The following TMX1 variants were observed in gnomAD, a reference collection of about 807,000 sequenced individuals.
The protein encoded by TMX1 is thioredoxin-related transmembrane protein 1.
Under a neutral mutation model 36.6 loss-of-function variants are expected in TMX1, and 25 were observed. The observed-to-expected ratio is 0.68, with a 90% CI of 0.50 to 0.95. The LOEUF is 0.95. Ranked by LOEUF, TMX1 falls within the 40% of genes least tolerant of loss-of-function variation. The pLI is 0.00. For missense variants in TMX1, 347 were observed against 339.6 expected (o/e 1.02, Z -0.17); for synonymous variants, 133 against 118.0 (o/e 1.13, Z -0.82).
chr14:51,240,804 C>A (rs2065757286), intron 1 of TMX1, among the ~76,000 whole-genome samples: 1 of 152,146 alleles, frequency 6.6e-6, no homozygotes, highest in Non-Finnish European at 1.5e-5. Flanking sequence ...TAAAGTGATT[C>A]TTCACAGACT....
chr14:51,240,530 C>A, intron 1 of TMX1, 86 bp downstream of exon 1: 1 of 1,505,618 alleles, frequency 6.6e-7, no homozygotes, highest in South Asian at 1.3e-5. Context: ...CGCAGGCTCC[C>A]CAGGACTGCG....
At chr14:51,247,513 C>T (rs1215943940) in intron 4 of TMX1, among the ~76,000 whole-genome samples, 1 of 151,692 alleles carries the variant, frequency 6.6e-6, no homozygotes, top group African/African-American at 2.4e-5. Flanking sequence ...CCCACCGCCA[C>T]ACGTGGCTAA....
chr14:51,249,845 G>T (rs1158487674), intron 7 of TMX1, 80 bp downstream of exon 7: 1 of 1,137,744 alleles, frequency 8.8e-7, no homozygotes, highest in Non-Finnish European at 1.2e-6. Context: ...CATTTCACAG[G>T]TTGCTCTTCC....
At position 51,257,601 on chromosome 14, in the gene TMX1, A is replaced by G. The variant is rs1164936023; in HGVS notation, c.*3082A>G. On this transcript the variant is annotated 3_prime_UTR_variant, in exon 8 of 8. Transcript: ENST00000457354. Reference sequence around the variant, plus strand: ...ATCTAGCAACTTTTGTATTTGTGAAACCATTAAAACTAGAGTAACAATAAA... The same window carrying G: ...ATCTAGCAACTTTTGTATTTGTGAAGCCATTAAAACTAGAGTAACAATAAA... 5.3e-5 allele frequency: 8 copies of G among 152,208 alleles called. No individual in the cohort carries two copies. Among genetic ancestry groups the G allele is most frequent in the Non-Finnish European group, 8.8e-5 (6 of 68,046 alleles). 9.4% of individuals were successfully genotyped at this position (152,208 alleles called of 1,614,324 possible).
At chr14:51,240,481 T>G in intron 1 of TMX1, 37 bp downstream of exon 1, 1 of 1,599,600 alleles carries the variant, frequency 6.3e-7, no homozygotes, top group Non-Finnish European at 8.5e-7. Flanking sequence ...CGTCCGTGCC[T>G]GGACACACGA....
At chr14:51,247,345 A>G (rs1049958151) in intron 4 of TMX1, 125 bp downstream of exon 4, 30 of 709,512 alleles carry the variant, frequency 4.2e-5, no homozygotes, top group Middle Eastern at 4.8e-4. Context: ...CATTTATTAC[A>G]TGTTTGATTT....
chr14:51,250,358 C>G (rs1001808379), intron 7 of TMX1, among the ~76,000 whole-genome samples: 1 of 152,236 alleles, frequency 6.6e-6, no homozygotes, highest in African/African-American at 2.4e-5. Context: ...TAGTAGAGTG[C>G]ATAGGTGTTA....
chr14:51,245,256 T>C (rs1173650106), intron 2 of TMX1, 57 bp from the exon 3 acceptor site: 6 of 1,603,880 alleles, frequency 3.7e-6, no homozygotes, highest in Non-Finnish European at 5.1e-6. Flanking sequence ...CAAAGTCACG[T>C]TTTAAGTAGT....
intron 2 of TMX1, 129 bp from the exon 3 acceptor site, chr14:51,245,184 A>T (rs2065779372): frequency 9.3e-7 from 1 of 1,070,606 alleles, no homozygotes. Context: ...ATTATGTATT[A>T]CGAAGCTCAA....
Position 51,255,379 on chromosome 14 carries a change from T to C in TMX1, c.*860T>C, listed in dbSNP as rs1301493833. 7.0e-6 allele frequency: 1 copy of C among 143,830 alleles called. No homozygotes were observed. The highest frequency in any genetic ancestry group is 2.5e-5 in the African/African-American group (1 of 39,942). 8.9% of individuals were successfully genotyped at this position (143,830 alleles called of 1,614,324 possible). ...AGATTTTACATCATTCTTGCTGAAC[T>C]TCAACTTGAAATTGTTTTTTTTTTT... On this transcript the variant is annotated 3_prime_UTR_variant, in exon 8 of 8. Transcript: ENST00000457354.
chr14:51,240,446 T>C lies in TMX1; in HGVS notation c.152+2T>C. On this transcript the variant is annotated splice_donor_variant, in intron 1 of 7. Coordinates refer to ENST00000457354, the MANE Select transcript of TMX1 (RefSeq NM_030755.5). LOFTEE classifies it high-confidence loss of function. ...GGAAGGAGACTGGATGATAGAATTG[T>C]GAGTGCGGGGCGGCCAGGGTCCTAC... 1.2e-6 allele frequency: 2 copies of C among 1,613,168 alleles called. No individual in the cohort carries two copies. The highest frequency in any genetic ancestry group is 2.2e-5 in the South Asian group (2 of 91,076).
rs1475022738 is a variant in TMX1, at chr14:51,250,727, G to A, written c.664+962G>A. ...AGGATGGTCTCGATCTCCTGACCTC[G>A]TGATCCGCCAGCCTCGGCCTCCCAA... is the stretch of plus-strand genomic sequence containing the variant. On this transcript the variant is annotated intron_variant, in intron 7 of 7. Transcript: ENST00000457354. Among the ~76,000 whole-genome samples, 11 of 152,226 alleles carry A rather than the reference G, an allele frequency of 7.2e-5. No individual in the cohort carries two copies. The East Asian group carries it at 1.7e-3, about 24-fold the overall frequency.
chr14:51,240,307 G>T lies in TMX1; in HGVS notation c.15G>T (p.Gly5=), dbSNP rs1466934777. MAPS[G]SLAVPLAVLV... ...CAAGCGGCGAAATGGCGCCCTCCGGGAGTCTTGCAGTTCCCCTGGCAGTCC... is the reference window on the plus strand; with the variant it reads ...CAAGCGGCGAAATGGCGCCCTCCGGTAGTCTTGCAGTTCCCCTGGCAGTCC... Residue 5 remains glycine (G), a synonymous_variant, in exon 1 of 8, where the codon GGG becomes GGT. Transcript: ENST00000457354. 2.5e-6 allele frequency: 4 copies of T among 1,612,020 alleles called. No individual in the cohort carries two copies. Among genetic ancestry groups the T allele is most frequent in the East Asian group, 4.5e-5 (2 of 44,898 alleles).
intron 3 of TMX1, 45 bp downstream of exon 3, chr14:51,245,403 G>C: frequency 6.2e-7 from 1 of 1,609,430 alleles, no homozygotes; most frequent in Non-Finnish European, 8.5e-7. Flanking sequence ...ATGCATTATA[G>C]TGTAATCAGA....
chr14:51,245,250 G>A (rs1189567463), intron 2 of TMX1, 63 bp from the exon 3 acceptor site: 2 of 1,588,130 alleles, frequency 1.3e-6, no homozygotes, highest in Non-Finnish European at 8.6e-7. Context: ...ATAATTCAAA[G>A]TCACGTTTTA....
rs563124927 is a variant in TMX1 at position 51,242,221 on chromosome 14, C to G, written c.153-1635C>G. Among the ~76,000 whole-genome samples the G allele has an allele frequency of 9.2e-5, 14 of 152,292 alleles. No individual in the cohort carries two copies. In the South Asian group the frequency reaches 2.7e-3, roughly 29 times the overall value. ...TGCAATTCTGAAATGAATTTTCATT[C>G]AGGCACCATTGAAAGCTTCAGGGGA... On this transcript the variant is annotated intron_variant, in intron 1 of 7. Transcript: ENST00000457354.
intron 7 of TMX1, among the ~76,000 whole-genome samples, chr14:51,253,662 T>C (rs979317635): frequency 6.6e-6 from 1 of 152,158 alleles, no homozygotes; most frequent in African/African-American, 2.4e-5. Flanking sequence ...ATATAAAACA[T>C]CGAAAGGGTG....
chr14:51,246,894 T>TA (rs1391716395), intron 3 of TMX1, among the ~76,000 whole-genome samples, 198 bp from the exon 4 acceptor site: 1 of 152,186 alleles, frequency 6.6e-6, no homozygotes, highest in Non-Finnish European at 1.5e-5. Flanking sequence ...GCTTATGATT[T>TA]AAAAAAATGT....
intron 7 of TMX1, 104 bp from the exon 8 acceptor site, chr14:51,254,237 T>C: frequency 1.1e-6 from 1 of 930,348 alleles, no homozygotes; most frequent in Non-Finnish European, 1.5e-6. Flanking sequence ...ATGATAAATT[T>C]ATGCCAAAGC....
Sources: allele counts gnomAD v4.1 joint callset (sites outside exome capture counted in the v4.1 genomes callset), GRCh38; gene constraint gnomAD v4.1.1; transcripts MANE v1.5; gene names NCBI Gene and HGNC (gene_info 2026-07-23, HGNC 2026-07-21).